Variants in NR1H3 observed in about 807,000 individuals in gnomAD.
The protein encoded by NR1H3 is oxysterols receptor LXR-alpha.
NR1H3 carries 19 observed loss-of-function variants against 48.1 expected under a neutral mutation model. The ratio of observed to expected loss-of-function variants is 0.40; its 90% CI spans 0.28 to 0.58. The LOEUF (loss-of-function observed/expected upper bound fraction) is 0.58. NR1H3 is among the 20% of genes least tolerant of loss of function. The probability of loss-of-function intolerance (pLI) is 0.50; values close to 1 mark genes in which losing one functional copy is unlikely to be tolerated. For missense variants in NR1H3, 486 were observed against 595.9 expected (o/e 0.82, Z 1.92); for synonymous variants, 232 against 227.3 (o/e 1.02, Z -0.19).
At chr11:47,259,364 G>A in intron 2 of NR1H3, 105 bp downstream of exon 2, 1 of 1,602,378 alleles carries the variant, frequency 6.2e-7, no homozygotes, top group Non-Finnish European at 8.5e-7. Context: ...CCTCCAGAGA[G>A]CAGTCCAGAG....
At position 47,267,924 on chromosome 11, in the gene NR1H3, G is replaced by C; in HGVS notation, c.1000G>C (p.Glu334Gln). ...EDFAKAGLQV[E>Q]FINPIFEFSR... ...TTCTTCCTCCCCAGGGCTGCAAGTG[G>C]AATTCATCAACCCCATCTTCGAGTT... The change falls in exon 8 of 10, where the codon GAA (glutamate) becomes CAA (glutamine). Residue 334 changes from glutamate (E) to glutamine (Q), a missense_variant. Transcript: ENST00000441012. 6.2e-7 allele frequency: 1 copy of C among 1,613,648 alleles called. No homozygotes were observed. Among genetic ancestry groups the C allele is most frequent in the South Asian group, 1.1e-5 (1 of 91,070 alleles).
chr11:47,268,437 TTCTC>T lies in NR1H3; in HGVS notation c.1197+86_1197+89del, dbSNP rs988871239. 4.4e-6 allele frequency: 7 copies of T among 1,591,632 alleles called. No individual in the cohort carries two copies. In the African/African-American group the frequency reaches 6.7e-5, roughly 15 times the overall value. On this transcript the variant is annotated intron_variant, in intron 9 of 9. Transcript: ENST00000441012. ...ACATACCTACTTTCCCTTCAAGAAT[TTCTC>T]TCTGACTGCATGCTGTGCAGACAAT...
upstream of NR1H3, among the ~76,000 whole-genome samples, chr11:47,255,729 G>A (rs982711753): frequency 1.3e-5 from 2 of 150,114 alleles, no homozygotes; most frequent in South Asian, 2.1e-4. Flanking sequence ...GGGCAATGGC[G>A]CGATCTCGGG....
chr11:47,259,353 T>C, intron 2 of NR1H3, 94 bp downstream of exon 2: 1 of 1,605,372 alleles, frequency 6.2e-7, no homozygotes, highest in Non-Finnish European at 8.5e-7. Context: ...CCTTCTTCCT[T>C]CCTCCAGAGA....
intron 4 of NR1H3, 95 bp from the exon 5 acceptor site, chr11:47,261,146 C>T (rs1214342095): frequency 1.3e-6 from 1 of 778,618 alleles, no homozygotes; most frequent in East Asian, 4.0e-5. Context: ...CCAAACCACC[C>T]CCTTTGCCCC....
upstream of NR1H3, among the ~76,000 whole-genome samples, chr11:47,255,607 CTCTCTCTCTCTTTCTTTCTT>C (rs1457061053): frequency 6.7e-5 from 8 of 119,944 alleles, no homozygotes; most frequent in African/African-American, 3.0e-4. Context: ...CTCTCTCTCT[CTCTCTCTCTCTTTCTTTCTT>C]TCTTTCTTTC....
chr11:47,268,194 T>C (rs1957173699), intron 8 of NR1H3, 67 bp from the exon 9 acceptor site: 13 of 1,454,806 alleles, frequency 8.9e-6, no homozygotes, highest in Non-Finnish European at 1.1e-5. Flanking sequence ...TATATTTTGG[T>C]TGCAATTTGG....
rs561197759 is a variant in NR1H3 at position 47,259,846 on chromosome 11, G to C, written c.99G>C (p.Gln33His). The change falls in exon 3 of 10, where the codon CAG becomes CAC. Residue 33 changes from glutamine to histidine, a missense_variant. Transcript: ENST00000441012. ...PGAQDASSQA[Q>H]GGSSCILREE... is the part of the protein sequence containing the mutation. ...CACAGGATGCAAGCAGCCAGGCCCA[G>C]GGAGGCAGCAGCTGCATCCTCAGAG... 1 of 1,612,652 alleles carries C rather than the reference G, an allele frequency of 6.2e-7. No homozygotes were observed. Among genetic ancestry groups the C allele is most frequent in the East Asian group, 2.2e-5 (1 of 44,878 alleles).
chr11:47,248,825 C>T, upstream of NR1H3: 1 of 1,559,498 alleles, frequency 6.4e-7, no homozygotes, highest in Non-Finnish European at 8.7e-7. Flanking sequence ...AAGCTGGAAC[C>T]CGCTGGGTGG....
chr11:47,260,855 C>T (rs983703575), intron 4 of NR1H3, among the ~76,000 whole-genome samples, 180 bp downstream of exon 4: 3 of 152,086 alleles, frequency 2.0e-5, no homozygotes, highest in Non-Finnish European at 4.4e-5. Flanking sequence ...GAGGCCGAAG[C>T]GGGTGGATCA....
At chr11:47,260,941 C>T (rs916630772) in intron 4 of NR1H3, among the ~76,000 whole-genome samples, 58 of 152,014 alleles carry the variant, frequency 3.8e-4, no homozygotes, top group Non-Finnish European at 1.5e-4. Context: ...AAAAATTAGC[C>T]GGGTGTGGTG....
intron 1 of NR1H3, chr11:47,258,665 T>C (rs1955476258): frequency 6.5e-6 from 1 of 154,318 alleles, no homozygotes; most frequent in Non-Finnish European, 1.4e-5. Flanking sequence ...AGTTTAAGAA[T>C]AGTCCTGAGC....
At chr11:47,266,672 C>T (rs148897213) in intron 7 of NR1H3, among the ~76,000 whole-genome samples, 2,135 of 145,398 alleles carry the variant, frequency 0.015, 50 homozygotes, top group African/African-American at 0.051. Flanking sequence ...GATGGAGTTT[C>T]GCTCTGTCAT....
At chr11:47,259,297 C>T (rs762202984) in intron 2 of NR1H3, 38 bp downstream of exon 2, 27 of 1,613,934 alleles carry the variant, frequency 1.7e-5, no homozygotes, top group Non-Finnish European at 2.2e-5. Flanking sequence ...GAGCCCAGAC[C>T]GCAGGCTCCA....
In NR1H3 at chr11:47,261,962, A is replaced by G. The variant is rs756225455; in HGVS notation, c.932A>G (p.Glu311Gly). 2 of 1,614,190 alleles carry G rather than the reference A, an allele frequency of 1.2e-6. No homozygotes were observed. The highest frequency in any genetic ancestry group is 2.2e-5 in the East Asian group (1 of 44,884). ...TCTCGGAGGTACAACCCTGGGAGTG[A>G]GAGTATCACCTTCCTCAAGGATTTC... Reference protein sequence around the residue: ...ETSRRYNPGSESITFLKDFSY... With the variant: ...ETSRRYNPGSGSITFLKDFSY... Residue 311 changes from glutamate to glycine, a missense_variant, in exon 7 of 10, where the codon GAG becomes GGG. Coordinates refer to ENST00000441012, the MANE Select transcript of NR1H3 (RefSeq NM_005693.4).
chr11:47,268,433 G>A, intron 9 of NR1H3, 78 bp downstream of exon 9: 1 of 1,591,640 alleles, frequency 6.3e-7, no homozygotes, highest in South Asian at 1.1e-5. Flanking sequence ...TTCCCTTCAA[G>A]AATTTCTCTC....
chr11:47,248,637 A>G, upstream of NR1H3: 1 of 1,583,710 alleles, frequency 6.3e-7, no homozygotes, highest in Non-Finnish European at 8.6e-7. Context: ...TTGCCCTTTT[A>G]GCTTCAGGGA....
intron 1 of NR1H3, 51 bp from the exon 2 acceptor site, chr11:47,259,129 G>T: frequency 6.2e-7 from 1 of 1,607,220 alleles, no homozygotes; most frequent in Admixed American, 1.7e-5. Context: ...GGGAGCTGAG[G>T]CCAGAAAGGA....
At chr11:47,253,958 A>T (rs1260725675), upstream of NR1H3, among the ~76,000 whole-genome samples, 2 of 152,132 alleles carry the variant, frequency 1.3e-5, no homozygotes, top group Non-Finnish European at 2.9e-5. Context: ...GCTTGAAGTA[A>T]GTCTCAGTGG....
Sources: allele counts gnomAD v4.1 joint callset (sites outside exome capture counted in the v4.1 genomes callset), GRCh38; gene constraint gnomAD v4.1.1; transcripts MANE v1.5; gene names NCBI Gene and HGNC (gene_info 2026-07-23, HGNC 2026-07-21).